The following RORA variants were observed in gnomAD, a reference collection of about 807,000 sequenced individuals.
RORA encodes nuclear receptor ROR-alpha.
In RORA, 7 loss-of-function variants were observed where a neutral mutation model predicts 69.5. The ratio of observed to expected loss-of-function variants is 0.10; its 90% confidence interval spans 0.06 to 0.19. RORA has a LOEUF of 0.19. Ranked by LOEUF, RORA falls within the 10% of genes least tolerant of loss-of-function variation. The probability of loss-of-function intolerance (pLI) is 1.00; values close to 1 mark genes in which losing one functional copy is unlikely to be tolerated. For missense variants in RORA, 457 were observed against 663.0 expected, an observed-to-expected ratio of 0.69 and a Z score of 3.41; for synonymous variants, 261 against 240.8, an observed-to-expected ratio of 1.08 and a Z score of -0.78.
At chr15:60,880,591 A>G (rs911816380) in intron 1 of RORA, among the ~76,000 whole-genome samples, 2 of 152,178 alleles carry the variant, frequency 1.3e-5, no homozygotes, top group Non-Finnish European at 2.9e-5. Context: ...GTGAGCCAAG[A>G]TCATGCCACT....
chr15:60,684,483 G>C (rs1340396628), intron 1 of RORA, among the ~76,000 whole-genome samples: 1 of 152,078 alleles, frequency 6.6e-6, no homozygotes, highest in African/African-American at 2.4e-5. Context: ...CAAGTGTGGT[G>C]GTGGGTGCCT....
At chr15:61,197,426 T>C (rs373466521) in intron 1 of RORA, among the ~76,000 whole-genome samples, 1 of 152,184 alleles carries the variant, frequency 6.6e-6, no homozygotes, top group East Asian at 1.9e-4. Context: ...CCGCCGGTCA[T>C]GTGGCTCACG....
At chr15:61,030,669 G>A (rs1266016722) in intron 1 of RORA, among the ~76,000 whole-genome samples, 1 of 152,136 alleles carries the variant, frequency 6.6e-6, no homozygotes, top group Non-Finnish European at 1.5e-5. Flanking sequence ...CCCATAACAG[G>A]ATGGTGATTA....
intron 5 of RORA, among the ~76,000 whole-genome samples, chr15:60,508,494 G>T (rs2065587080): frequency 6.6e-6 from 1 of 152,170 alleles, no homozygotes; most frequent in African/African-American, 2.4e-5. Flanking sequence ...CATAATTTGT[G>T]TCTATCCTGA....
At chr15:60,659,659 A>G (rs981355588) in intron 2 of RORA, among the ~76,000 whole-genome samples, 1 of 152,202 alleles carries the variant, frequency 6.6e-6, no homozygotes, top group African/African-American at 2.4e-5. Flanking sequence ...TGTCCTCCTC[A>G]CTAAATACTA....
At chr15:60,652,791 C>T (rs1327280179) in intron 2 of RORA, among the ~76,000 whole-genome samples, 1 of 152,156 alleles carries the variant, frequency 6.6e-6, no homozygotes, top group Non-Finnish European at 1.5e-5. Flanking sequence ...ACCACATGGC[C>T]GTAAGTTTTA....
intron 1 of RORA, among the ~76,000 whole-genome samples, chr15:60,986,332 C>A (rs1268129860): frequency 2.6e-5 from 4 of 152,164 alleles, no homozygotes; most frequent in Non-Finnish European, 4.4e-5. Context: ...TGGAGTTTTA[C>A]CATGTTGGCC....
intron 1 of RORA, among the ~76,000 whole-genome samples, chr15:60,913,088 T>C (rs929523671): frequency 2.0e-5 from 3 of 152,204 alleles, no homozygotes; most frequent in Non-Finnish European, 4.4e-5. Flanking sequence ...TTCTTACTGA[T>C]AATCTGCCTA....
At chr15:60,700,283 G>C (rs773693616) in intron 1 of RORA, among the ~76,000 whole-genome samples, 1 of 152,142 alleles carries the variant, frequency 6.6e-6, no homozygotes, top group Non-Finnish European at 1.5e-5. Context: ...GAGGTACTAA[G>C]GGACAAAATT....
At chr15:60,899,232 T>G (rs1427878292) in intron 1 of RORA, among the ~76,000 whole-genome samples, 1 of 152,228 alleles carries the variant, frequency 6.6e-6, no homozygotes, top group Admixed American at 6.5e-5. Context: ...CTCATAGAAG[T>G]AACTGCATAT....
At chr15:60,866,851 T>TCTATCTATCTATCTATCTAC (rs1236953620) in intron 1 of RORA, among the ~76,000 whole-genome samples, 200 of 145,676 alleles carry the variant, frequency 1.4e-3, no homozygotes, top group African/African-American at 4.5e-3. Flanking sequence ...TATCTATCTA[T>TCTATCTATCTATCTATCTAC]CTACCTACCT....
intron 1 of RORA, among the ~76,000 whole-genome samples, chr15:60,692,477 T>A (rs2140776557): frequency 6.6e-6 from 1 of 152,274 alleles, no homozygotes; most frequent in East Asian, 1.9e-4. Context: ...TCACAAAACA[T>A]TTCTAAGCAG....
At chr15:60,706,487 A>G (rs2071064721) in intron 1 of RORA, 1 of 152,240 alleles carries the variant, frequency 6.6e-6, no homozygotes, top group Admixed American at 6.5e-5. Flanking sequence ...AGGGGATTGA[A>G]TAATCTGTTT....
intron 2 of RORA, among the ~76,000 whole-genome samples, chr15:60,536,261 T>G (rs1470850708): frequency 6.6e-6 from 1 of 152,242 alleles, no homozygotes; most frequent in African/African-American, 2.4e-5. Flanking sequence ...ATATGTATTC[T>G]CTATATATGC....
intron 1 of RORA, among the ~76,000 whole-genome samples, chr15:60,941,784 T>C (rs1261467112): frequency 6.6e-6 from 1 of 152,230 alleles, no homozygotes; most frequent in Non-Finnish European, 1.5e-5. Flanking sequence ...CACTGATCTA[T>C]CTTTTTCATC....
At chr15:60,576,062 A>C (rs1202956619) in intron 2 of RORA, among the ~76,000 whole-genome samples, 1 of 152,084 alleles carries the variant, frequency 6.6e-6, no homozygotes, top group East Asian at 1.9e-4. Context: ...CACCACTGTG[A>C]GTTGTTCTGA....
chr15:61,015,830 A>G (rs1895264320), intron 1 of RORA, among the ~76,000 whole-genome samples: 1 of 152,268 alleles, frequency 6.6e-6, no homozygotes, highest in South Asian at 2.1e-4. Flanking sequence ...CTTAGGTTGC[A>G]TTAATTGAAG....
At chr15:60,526,694 C>T (rs1021044339) in intron 3 of RORA, among the ~76,000 whole-genome samples, 8 of 152,136 alleles carry the variant, frequency 5.3e-5, no homozygotes, top group Admixed American at 2.6e-4. Flanking sequence ...AAATGCCCAG[C>T]TCTAATACTG....
At chr15:61,010,055 T>C (rs572767883) in intron 1 of RORA, among the ~76,000 whole-genome samples, 1 of 152,360 alleles carries the variant, frequency 6.6e-6, no homozygotes, top group African/African-American at 2.4e-5. Flanking sequence ...ACTGCTATTT[T>C]TTATTAAACT....
Sources: allele counts gnomAD v4.1 joint callset (sites outside exome capture counted in the v4.1 genomes callset), GRCh38; gene constraint gnomAD v4.1.1; transcripts MANE v1.5; gene names NCBI Gene and HGNC (gene_info 2026-07-23, HGNC 2026-07-21).